The following BMPER variants were observed in gnomAD, a reference collection of about 807,000 sequenced individuals.
BMPER encodes the protein BMP-binding endothelial regulator protein.
In BMPER, 45 loss-of-function variants were observed where a neutral mutation model predicts 87.3. That is an observed-to-expected ratio of 0.52 (90% CI 0.41 to 0.66). The LOEUF is 0.66. BMPER is among the 30% of genes least tolerant of loss of function. The pLI, the probability that BMPER is intolerant of heterozygous loss-of-function variation, is 0.00. For missense variants in BMPER, 784 were observed against 867.5 expected (o/e 0.90, Z 1.21); for synonymous variants, 326 against 316.2 (o/e 1.03, Z -0.33).
chr7:33,998,167 A>G (rs544333108), intron 6 of BMPER, among the ~76,000 whole-genome samples: 6 of 152,352 alleles, frequency 3.9e-5, no homozygotes, highest in African/African-American at 1.4e-4. Context: ...CAAGCATTTG[A>G]TATTTCTAAA....
At chr7:33,971,106 TTTTTTTTG>T (rs1236783522) in intron 5 of BMPER, among the ~76,000 whole-genome samples, 3 of 151,616 alleles carry the variant, frequency 2.0e-5, no homozygotes, top group East Asian at 1.9e-4. Flanking sequence ...CTGCATTTTG[TTTTTTTTG>T]TTTTTTTGTT....
rs146544013 is a variant in BMPER at position 34,053,580 on chromosome 7, C to T, written c.787-1583C>T. 8.6e-3 allele frequency among the ~76,000 whole-genome samples: 1,304 copies of T among 152,236 alleles called. 18 individuals carry two copies. The highest frequency in any genetic ancestry group is 0.03 in the African/African-American group (1,231 of 41,534). On this transcript the variant is annotated intron_variant, in intron 8 of 14. Transcript: ENST00000649409. Reference sequence around the variant, plus strand: ...CATATTTTGTATGTTCTATGTATTACATACTGTATTCTTATAATGAAGTAA... The same window carrying T: ...CATATTTTGTATGTTCTATGTATTATATACTGTATTCTTATAATGAAGTAA...
chr7:33,976,863 CAT>C (rs1785700703), intron 6 of BMPER, among the ~76,000 whole-genome samples: 1 of 152,194 alleles, frequency 6.6e-6, no homozygotes, highest in Non-Finnish European at 1.5e-5. Context: ...ATTCTGATTT[CAT>C]ATGTTTTTAA....
rs776997669 is a variant in BMPER at position 34,153,315 on chromosome 7, G to A, written c.*42G>A. 7.5e-6 allele frequency: 12 copies of A among 1,609,614 alleles called. No individual in the cohort carries two copies. Among genetic ancestry groups the A allele is most frequent in the Non-Finnish European group, 1.0e-5 (12 of 1,177,054 alleles). On this transcript the variant is annotated 3_prime_UTR_variant, in exon 15 of 15. Coordinates refer to ENST00000649409, the MANE Select transcript of BMPER (RefSeq NM_001365308.1). ...TAAGACTCTGAAATCTGGTGACTTT[G>A]ACACTGAAGCGGAAGAGCCAATGAA...
chr7:34,060,277 T>A (rs1230517699), intron 10 of BMPER, among the ~76,000 whole-genome samples: 3 of 152,012 alleles, frequency 2.0e-5, no homozygotes, highest in Non-Finnish European at 2.9e-5. Context: ...GGAATCGTAG[T>A]CACATTTGTT....
At chr7:34,061,889 C>T in intron 10 of BMPER, 113 bp from the exon 11 acceptor site, 2 of 900,550 alleles carry the variant, frequency 2.2e-6, no homozygotes, top group Non-Finnish European at 1.7e-6. Context: ...ACAGCTTGGA[C>T]TGATTTCATT....
At chr7:34,039,137 C>A (rs1191943197) in intron 6 of BMPER, among the ~76,000 whole-genome samples, 1 of 152,180 alleles carries the variant, frequency 6.6e-6, no homozygotes, top group African/African-American at 2.4e-5. Flanking sequence ...TGGGCTTCAT[C>A]CTTCAGAACA....
chr7:34,066,566 G>A (rs993207692), intron 11 of BMPER, among the ~76,000 whole-genome samples: 14 of 152,136 alleles, frequency 9.2e-5, no homozygotes, highest in African/African-American at 2.7e-4. Flanking sequence ...GACTTGCCTC[G>A]GCTGGGCACA....
At position 34,155,521 on chromosome 7, in the gene BMPER, C is replaced by T. The variant is rs1791286291; in HGVS notation, c.*2248C>T. 1 of 152,178 alleles carries T rather than the reference C, an allele frequency of 6.6e-6. No individual in the cohort carries two copies. The highest frequency in any genetic ancestry group is 6.5e-5 in the Admixed American group (1 of 15,278). The allele number at this position is 152,178 out of a possible 1,614,324, so 9.4% of individuals were successfully genotyped here. A position where few individuals can be genotyped will look rare whatever the true frequency, so the allele number is the denominator to read the frequency against. ...GTGGGTTGATTACAAGTTTGTGTGG[C>T]ATTCCTTTAGCTGGGGATTAGCTTA... is the stretch of plus-strand genomic sequence containing the variant. On this transcript the variant is annotated 3_prime_UTR_variant, in exon 15 of 15. Coordinates refer to ENST00000649409, the MANE Select transcript of BMPER (RefSeq NM_001365308.1).
chr7:34,079,155 T>C lies in BMPER; in HGVS notation c.1377T>C (p.Asp459=). ...CGCCACACTTCCACATCGACCTGGA[T>C]GGCTACCTCTTGAAAGTGACCACCA... The part of the protein sequence containing the change: ...CRAPHFHIDL[D]GYLLKVTTKA... The change falls in exon 12 of 15, where the codon GAT becomes GAC. Residue 459 remains aspartate (D), a synonymous_variant. Coordinates refer to ENST00000649409, the MANE Select transcript of BMPER (RefSeq NM_001365308.1). 1 of 1,613,898 alleles carries C rather than the reference T, an allele frequency of 6.2e-7. No individual in the cohort carries two copies. The highest frequency in any genetic ancestry group is 1.1e-5 in the South Asian group (1 of 91,084).
intron 3 of BMPER, 149 bp from the exon 4 acceptor site, chr7:33,966,330 T>C: frequency 1.5e-6 from 1 of 686,804 alleles, no homozygotes; most frequent in Non-Finnish European, 2.7e-6. Context: ...AAGGCTTAGT[T>C]GTGTTTTGGG....
chr7:33,923,317 C>T (rs992954974), intron 2 of BMPER, among the ~76,000 whole-genome samples: 6 of 152,254 alleles, frequency 3.9e-5, no homozygotes, highest in East Asian at 1.9e-4. Flanking sequence ...ATGTCCCCTC[C>T]GCCACACACA....
chr7:34,081,315 A>G (rs936554901), intron 12 of BMPER, among the ~76,000 whole-genome samples: 1 of 152,250 alleles, frequency 6.6e-6, no homozygotes, highest in African/African-American at 2.4e-5. Flanking sequence ...ATAGATTTAA[A>G]AAAAAATTTA....
chr7:34,140,425 A>G (rs573132023), intron 13 of BMPER, among the ~76,000 whole-genome samples: 2 of 110,240 alleles, frequency 1.8e-5, no homozygotes, highest in African/African-American at 2.7e-5. Context: ...ATAAAAATAC[A>G]TACAACATTT....
intron 6 of BMPER, among the ~76,000 whole-genome samples, chr7:34,014,171 A>T (rs901077029): frequency 1.1e-4 from 17 of 151,942 alleles, no homozygotes; most frequent in African/African-American, 4.1e-4. Context: ...AAGGATGATC[A>T]TAGCACCTAC....
At chr7:34,040,607 A>G (rs1360173102) in intron 6 of BMPER, among the ~76,000 whole-genome samples, 1 of 152,156 alleles carries the variant, frequency 6.6e-6, no homozygotes, top group Non-Finnish European at 1.5e-5. Context: ...AGGAGCCACT[A>G]AAAGTTTTAA....
intron 11 of BMPER, among the ~76,000 whole-genome samples, chr7:34,066,228 A>G (rs1441851318): frequency 6.6e-6 from 1 of 152,182 alleles, no homozygotes; most frequent in East Asian, 1.9e-4. Context: ...TGTAGGTAAG[A>G]AATAATAGAG....
intron 3 of BMPER, among the ~76,000 whole-genome samples, chr7:33,944,764 TTATTTA>T (rs1784845104): frequency 1.3e-5 from 2 of 152,180 alleles, no homozygotes; most frequent in Admixed American, 1.3e-4. Context: ...TGTGCATAGT[TTATTTA>T]TAATTATGTG....
At chr7:33,961,641 C>G (rs146508338) in intron 3 of BMPER, among the ~76,000 whole-genome samples, 1 of 152,124 alleles carries the variant, frequency 6.6e-6, no homozygotes, top group South Asian at 2.1e-4. Context: ...AAGGAAAGCC[C>G]GGTCAGCCCT....
Sources: allele counts gnomAD v4.1 joint callset (sites outside exome capture counted in the v4.1 genomes callset), GRCh38; gene constraint gnomAD v4.1.1; transcripts MANE v1.5; gene names NCBI Gene and HGNC (gene_info 2026-07-23, HGNC 2026-07-21).